The following BRINP3 variants were observed in gnomAD, a reference collection of about 807,000 sequenced individuals.
BRINP3 encodes the protein BMP/retinoic acid-inducible neural-specific protein 3.
A neutral mutation model predicts 71.0 loss-of-function variants in BRINP3; 19 were observed. That is an observed-to-expected ratio of 0.27 (90% CI 0.19 to 0.39). The LOEUF (loss-of-function observed/expected upper bound fraction) is 0.39, where lower values mean the gene tolerates loss of function less well. Ranked by LOEUF, BRINP3 falls within the 10% of genes least tolerant of loss-of-function variation. The pLI, the probability that BRINP3 is intolerant of heterozygous loss-of-function variation, is 1.00. For synonymous variants in BRINP3, 380 were observed against 337.7 expected (o/e 1.13, Z -1.37); for missense variants, 959 against 940.8 (o/e 1.02, Z -0.25).
At chr1:190,411,777 T>C (rs1049443519) in intron 2 of BRINP3, among the ~76,000 whole-genome samples, 2 of 152,138 alleles carry the variant, frequency 1.3e-5, no homozygotes, top group Non-Finnish European at 2.9e-5. Flanking sequence ...CTGATAAATA[T>C]AAAAACACAT....
intron 2 of BRINP3, among the ~76,000 whole-genome samples, chr1:190,397,809 A>T (rs1221945473): frequency 6.6e-6 from 1 of 151,910 alleles, no homozygotes; most frequent in Non-Finnish European, 1.5e-5. Context: ...AAATTATCTC[A>T]TCAAAAATCA....
intron 6 of BRINP3, among the ~76,000 whole-genome samples, chr1:190,212,324 C>T (rs994375670): frequency 2.0e-5 from 3 of 152,006 alleles, no homozygotes; most frequent in African/African-American, 7.2e-5. Context: ...TTCTAATGAT[C>T]ACAATGCTTC....
At chr1:190,409,267 C>CA (rs960197244) in intron 2 of BRINP3, among the ~76,000 whole-genome samples, 1 of 151,828 alleles carries the variant, frequency 6.6e-6, no homozygotes, top group Non-Finnish European at 1.5e-5. Context: ...AATAAATAAT[C>CA]AAAAAACTAT....
intron 7 of BRINP3, among the ~76,000 whole-genome samples, chr1:190,123,983 C>T (rs1187977152): frequency 6.6e-6 from 1 of 152,066 alleles, no homozygotes; most frequent in East Asian, 1.9e-4. Flanking sequence ...GTTTCTACTC[C>T]TTAGTGATTC....
chr1:190,340,415 C>T (rs558889783), intron 2 of BRINP3, among the ~76,000 whole-genome samples: 3 of 151,946 alleles, frequency 2.0e-5, no homozygotes, highest in African/African-American at 7.2e-5. Flanking sequence ...TATGACACTC[C>T]TTTTGGGTCT....
intron 2 of BRINP3, among the ~76,000 whole-genome samples, chr1:190,359,050 T>C (rs1442251790): frequency 1.3e-5 from 2 of 152,002 alleles, no homozygotes; most frequent in East Asian, 1.9e-4. Context: ...TTATGAAGTA[T>C]ACCTAATGTA....
chr1:190,275,596 A>G (rs1216007278), intron 3 of BRINP3, among the ~76,000 whole-genome samples: 1 of 151,564 alleles, frequency 6.6e-6, no homozygotes, highest in Non-Finnish European at 1.5e-5. Flanking sequence ...TTTAAGGAAG[A>G]TCTTGGGTGT....
chr1:190,273,048 G>C (rs1322519583), intron 3 of BRINP3, among the ~76,000 whole-genome samples: 1 of 130,384 alleles, frequency 7.7e-6, no homozygotes, highest in Non-Finnish European at 1.8e-5. Context: ...TCCTGTAAGA[G>C]ATCTGTTTTT....
Position 190,357,960 on chromosome 1 carries a change from G to T in BRINP3, c.237-76210C>A, listed in dbSNP as rs1304708927. Among the ~76,000 whole-genome samples, 4 of 151,374 alleles carry T rather than the reference G, an allele frequency of 2.6e-5. No individual in the cohort carries two copies. In the East Asian group the frequency reaches 7.8e-4, roughly 29 times the overall value. ...TCTGGGAAAACTGGCTAGCCATATGGAGAAAGCTGAAACTGGATCCCTTCC... is the reference window on the plus strand; with the variant it reads ...TCTGGGAAAACTGGCTAGCCATATGTAGAAAGCTGAAACTGGATCCCTTCC... On this transcript the variant is annotated intron_variant, in intron 2 of 7. Coordinates refer to ENST00000367462, the MANE Select transcript of BRINP3 (RefSeq NM_199051.3).
At chr1:190,260,232 T>C (rs1018670654) in intron 4 of BRINP3, among the ~76,000 whole-genome samples, 2 of 151,946 alleles carry the variant, frequency 1.3e-5, no homozygotes, top group Admixed American at 6.6e-5. Flanking sequence ...ATGTATGACA[T>C]GAAGATTATA....
At chr1:190,284,717 A>T (rs1439185069) in intron 2 of BRINP3, among the ~76,000 whole-genome samples, 1 of 152,098 alleles carries the variant, frequency 6.6e-6, no homozygotes, top group Non-Finnish European at 1.5e-5. Context: ...ATTTCAAATG[A>T]TAAAACACTT....
At chr1:190,418,223 C>T (rs966316994) in intron 2 of BRINP3, among the ~76,000 whole-genome samples, 3 of 151,940 alleles carry the variant, frequency 2.0e-5, no homozygotes, top group Non-Finnish European at 2.9e-5. Flanking sequence ...GGCTAATTTT[C>T]GTATTTTTTG....
intron 6 of BRINP3, among the ~76,000 whole-genome samples, chr1:190,222,289 G>T (rs1433495354): frequency 6.6e-6 from 1 of 151,016 alleles, no homozygotes; most frequent in African/African-American, 2.4e-5. Flanking sequence ...CAAACACATA[G>T]AAATAAAACA....
At chr1:190,129,040 C>G (rs1426706368) in intron 7 of BRINP3, among the ~76,000 whole-genome samples, 1 of 151,692 alleles carries the variant, frequency 6.6e-6, no homozygotes, top group East Asian at 1.9e-4. Flanking sequence ...CATGTATATA[C>G]ACAGCAGTCA....
intron 6 of BRINP3, among the ~76,000 whole-genome samples, chr1:190,199,811 A>G (rs143373001): frequency 6.6e-6 from 1 of 151,670 alleles, no homozygotes; most frequent in South Asian, 2.1e-4. Context: ...CAAAAAAAAA[A>G]CCTAACCATT....
At chr1:190,151,253 A>G (rs1341565716) in intron 7 of BRINP3, among the ~76,000 whole-genome samples, 1 of 152,230 alleles carries the variant, frequency 6.6e-6, no homozygotes, top group Non-Finnish European at 1.5e-5. Flanking sequence ...AAGTGATTCA[A>G]ATATAGATGA....
intron 2 of BRINP3, among the ~76,000 whole-genome samples, chr1:190,433,089 T>C (rs1258779293): frequency 6.6e-6 from 1 of 152,184 alleles, no homozygotes; most frequent in Admixed American, 6.5e-5. Context: ...CGGAATATTG[T>C]TCCAAATTAG....
intron 6 of BRINP3, among the ~76,000 whole-genome samples, chr1:190,210,720 C>T (rs781163930): frequency 3.8e-4 from 57 of 151,934 alleles, no homozygotes; most frequent in Non-Finnish European, 6.0e-4. Context: ...TACTGATTGT[C>T]AACTTGATTG....
At chr1:190,113,660 T>A (rs1039121933) in intron 7 of BRINP3, among the ~76,000 whole-genome samples, 3 of 152,150 alleles carry the variant, frequency 2.0e-5, no homozygotes, top group Non-Finnish European at 4.4e-5. Flanking sequence ...TGTTTATAAA[T>A]GAGAAAGCTG....
Sources: allele counts gnomAD v4.1 joint callset (sites outside exome capture counted in the v4.1 genomes callset), GRCh38; gene constraint gnomAD v4.1.1; transcripts MANE v1.5; gene names NCBI Gene and HGNC (gene_info 2026-07-23, HGNC 2026-07-21).